Variants in TANC2 observed in about 807,000 individuals in gnomAD.
TANC2 encodes protein TANC2.
TANC2 carries 26 observed loss-of-function variants against 210.5 expected under a neutral mutation model. That is an observed-to-expected ratio of 0.12 (90% CI 0.09 to 0.17). The LOEUF is 0.17. TANC2 is among the 10% of genes least tolerant of loss of function. The pLI is 1.00. For missense variants in TANC2, 2,129 were observed against 2,608.9 expected, an observed-to-expected ratio of 0.82 and a Z score of 4.01; for synonymous variants, 931 against 967.1, an observed-to-expected ratio of 0.96 and a Z score of 0.69.
chr17:63,335,379 G>A (rs570601821), intron 11 of TANC2, among the ~76,000 whole-genome samples: 5 of 152,176 alleles, frequency 3.3e-5, no homozygotes, highest in African/African-American at 1.2e-4. Flanking sequence ...TTGGGAGGCC[G>A]AGGTGGGCAG....
chr17:63,114,502 T>G (rs2038178325), intron 4 of TANC2, among the ~76,000 whole-genome samples: 1 of 152,192 alleles, frequency 6.6e-6, no homozygotes, highest in African/African-American at 2.4e-5. Context: ...TGCTGCAGAT[T>G]GAAGTCCTGA....
intron 1 of TANC2, among the ~76,000 whole-genome samples, chr17:62,979,748 A>G (rs2032206843): frequency 6.6e-6 from 1 of 152,160 alleles, no homozygotes; most frequent in Admixed American, 6.5e-5. Flanking sequence ...TGTATCCACA[A>G]AAAATTTTAA....
chr17:63,031,088 T>C (rs2034749495), intron 2 of TANC2, among the ~76,000 whole-genome samples: 1 of 138,618 alleles, frequency 7.2e-6, no homozygotes, highest in South Asian at 2.6e-4. Flanking sequence ...AGGATTTTAG[T>C]ATCAGAGGCC....
intron 11 of TANC2, among the ~76,000 whole-genome samples, chr17:63,337,610 CTT>C (rs61052447): frequency 3.0e-4 from 43 of 143,736 alleles, no homozygotes; most frequent in African/African-American, 2.6e-4. Flanking sequence ...TCTTTCCAAT[CTT>C]TTTTTTTTTT....
chr17:63,405,322 C>A, intron 20 of TANC2, 67 bp downstream of exon 20: 5 of 1,445,376 alleles, frequency 3.5e-6, no homozygotes, highest in Non-Finnish European at 4.6e-6. Flanking sequence ...TTCTGATGCA[C>A]AGAGCAAAAT....
intron 2 of TANC2, among the ~76,000 whole-genome samples, chr17:63,067,518 A>G (rs1423248864): frequency 1.3e-5 from 2 of 151,912 alleles, no homozygotes; most frequent in Non-Finnish European, 2.9e-5. Flanking sequence ...TAAATTCCCA[A>G]TGGGAAAAAA....
chr17:63,257,575 G>T (rs1567859384), intron 8 of TANC2, among the ~76,000 whole-genome samples: 2 of 152,064 alleles, frequency 1.3e-5, no homozygotes, highest in Admixed American at 1.3e-4. Context: ...GCCCAGGCTG[G>T]TCTTGAGCTC....
At chr17:63,278,365 A>G (rs1453202946) in intron 9 of TANC2, among the ~76,000 whole-genome samples, 1 of 152,206 alleles carries the variant, frequency 6.6e-6, no homozygotes, top group Non-Finnish European at 1.5e-5. Context: ...CAATAGGTAT[A>G]TGAAAAAATG....
intron 4 of TANC2, among the ~76,000 whole-genome samples, chr17:63,101,381 A>G (rs2037614877): frequency 6.6e-6 from 1 of 152,232 alleles, no homozygotes; most frequent in Non-Finnish European, 1.5e-5. Flanking sequence ...CCATTTCCAT[A>G]CATTCAAACT....
intron 12 of TANC2, among the ~76,000 whole-genome samples, chr17:63,344,569 G>C (rs904422170): frequency 1.3e-5 from 2 of 152,104 alleles, no homozygotes; most frequent in African/African-American, 4.8e-5. Flanking sequence ...TTTATTTGCA[G>C]ACAACATAAT....
chr17:63,208,020 T>A (rs983102426), intron 7 of TANC2, among the ~76,000 whole-genome samples: 9 of 152,218 alleles, frequency 5.9e-5, no homozygotes, highest in Admixed American at 2.0e-4. Flanking sequence ...CAATTAGGTT[T>A]CCTCTTTTGT....
chr17:63,287,497 A>G (rs2044259937), intron 9 of TANC2, among the ~76,000 whole-genome samples: 1 of 152,042 alleles, frequency 6.6e-6, no homozygotes, highest in Non-Finnish European at 1.5e-5. Context: ...TGGGTGTTAG[A>G]AATTTTTGTA....
At chr17:63,113,570 C>T (rs114574786) in intron 4 of TANC2, among the ~76,000 whole-genome samples, 4,294 of 152,264 alleles carry the variant, frequency 0.028, 78 homozygotes, top group South Asian at 0.037. Context: ...TGTGGTGGCA[C>T]AATCACTGCT....
At chr17:63,266,749 G>T (rs2043540439) in intron 8 of TANC2, among the ~76,000 whole-genome samples, 2 of 152,190 alleles carry the variant, frequency 1.3e-5, no homozygotes, top group Admixed American at 1.3e-4. Context: ...AGGCCCAGCA[G>T]CCATAAAAAG....
At chr17:63,363,200 C>G (rs1481621206) in intron 14 of TANC2, among the ~76,000 whole-genome samples, 1 of 152,138 alleles carries the variant, frequency 6.6e-6, no homozygotes, top group African/African-American at 2.4e-5. Flanking sequence ...ATTTTTAAAT[C>G]ATATTATTAG....
chr17:63,343,359 A>G (rs914655610), intron 12 of TANC2, among the ~76,000 whole-genome samples: 1 of 152,216 alleles, frequency 6.6e-6, no homozygotes, highest in African/African-American at 2.4e-5. Context: ...GCATTTGATA[A>G]ACATAAAAGG....
At chr17:63,037,518 CAT>C (rs139712548) in intron 2 of TANC2, among the ~76,000 whole-genome samples, 1 of 151,328 alleles carries the variant, frequency 6.6e-6, no homozygotes, top group Non-Finnish European at 1.5e-5. Context: ...ATATTTAAAA[CAT>C]ATATATATAT....
chr17:63,408,452 T>C (rs944463853), intron 21 of TANC2, among the ~76,000 whole-genome samples: 1 of 152,208 alleles, frequency 6.6e-6, no homozygotes, highest in African/African-American at 2.4e-5. Flanking sequence ...TTTGGAAAAA[T>C]CAGTTCATCT....
intron 7 of TANC2, among the ~76,000 whole-genome samples, chr17:63,205,323 C>T (rs922139805): frequency 1.6e-5 from 1 of 61,316 alleles, no homozygotes; most frequent in Non-Finnish European, 3.0e-5. Context: ...TGTAAAACTG[C>T]TCAAAATTTA....
Sources: allele counts gnomAD v4.1 joint callset (sites outside exome capture counted in the v4.1 genomes callset), GRCh38; gene constraint gnomAD v4.1.1; transcripts MANE v1.5; gene names NCBI Gene and HGNC (gene_info 2026-07-23, HGNC 2026-07-21).